The following CYP19A1 variants were observed in gnomAD, a reference collection of about 807,000 sequenced individuals.
CYP19A1 encodes aromatase.
A neutral mutation model predicts 44.4 loss-of-function variants in CYP19A1; 32 were observed. That is an observed-to-expected ratio of 0.72 (90% CI 0.54 to 0.97). The LOEUF is 0.97. CYP19A1 is among the 50% of genes least tolerant of loss of function. CYP19A1 has a pLI of 0.00. For missense variants in CYP19A1, 598 were observed against 637.8 expected, an observed-to-expected ratio of 0.94 and a Z score of 0.67; for synonymous variants, 212 against 215.6, an observed-to-expected ratio of 0.98 and a Z score of 0.14.
At chr15:51,280,612 A>T (rs1053038810) in intron 1 of CYP19A1, among the ~76,000 whole-genome samples, 15 of 152,156 alleles carry the variant, frequency 9.9e-5, no homozygotes, top group African/African-American at 3.6e-4. Context: ...CCAGGTTCTC[A>T]TCTACATGGG....
At chr15:51,231,468 A>G (rs1344336024) in intron 3 of CYP19A1, among the ~76,000 whole-genome samples, 1 of 152,098 alleles carries the variant, frequency 6.6e-6, no homozygotes, top group Non-Finnish European at 1.5e-5. Flanking sequence ...TAAAATTAAA[A>G]TACCCTTCCC....
At chr15:51,252,778 CACTA>C in intron 1 of CYP19A1, among the ~76,000 whole-genome samples, 1 of 113,776 alleles carries the variant, frequency 8.8e-6, no homozygotes, top group African/African-American at 5.4e-5. Flanking sequence ...ATATCCTAGC[CACTA>C]GCCACTGTTT....
intron 1 of CYP19A1, among the ~76,000 whole-genome samples, chr15:51,332,911 C>G (rs1299026775): frequency 6.6e-6 from 1 of 152,184 alleles, no homozygotes; most frequent in East Asian, 1.9e-4. Context: ...CCTTAGACTT[C>G]TGGAATTTCT....
chr15:51,303,278 G>C (rs991197733), intron 1 of CYP19A1, among the ~76,000 whole-genome samples: 3 of 152,164 alleles, frequency 2.0e-5, no homozygotes, highest in African/African-American at 4.8e-5. Flanking sequence ...GACAGGCTGG[G>C]CCAGGGAGGC....
chr15:51,223,763 C>T (rs1044818177), intron 4 of CYP19A1, among the ~76,000 whole-genome samples: 1 of 152,124 alleles, frequency 6.6e-6, no homozygotes, highest in South Asian at 2.1e-4. Context: ...AAGGAGCAGG[C>T]TTTCTGACCA....
chr15:51,220,768 T>A (rs2032001633), intron 5 of CYP19A1, among the ~76,000 whole-genome samples: 1 of 152,204 alleles, frequency 6.6e-6, no homozygotes, highest in South Asian at 2.1e-4. Flanking sequence ...GCTACTTGGT[T>A]GTACATAGAT....
intron 1 of CYP19A1, chr15:51,279,040 C>T (rs949291983): frequency 1.3e-5 from 2 of 152,210 alleles, no homozygotes; most frequent in Admixed American, 1.3e-4. Flanking sequence ...GGATGCGAGC[C>T]TCCACTGGAT....
chr15:51,288,851 T>TA (rs2035773384), intron 1 of CYP19A1, among the ~76,000 whole-genome samples: 1 of 152,074 alleles, frequency 6.6e-6, no homozygotes. Flanking sequence ...GCCCCACCCA[T>TA]AGCGACTAAA....
intron 1 of CYP19A1, among the ~76,000 whole-genome samples, chr15:51,324,933 C>G (rs2036584182): frequency 1.3e-5 from 2 of 152,122 alleles, no homozygotes; most frequent in Non-Finnish European, 2.9e-5. Flanking sequence ...AGATCTGTAA[C>G]CTCATTTTTG....
chr15:51,313,478 G>T (rs1018030705), intron 1 of CYP19A1, among the ~76,000 whole-genome samples: 6 of 152,118 alleles, frequency 3.9e-5, no homozygotes, highest in African/African-American at 1.4e-4. Context: ...CCTTGCTCAC[G>T]TTTGGACCTC....
chr15:51,226,144 A>G (rs187133518), intron 4 of CYP19A1, among the ~76,000 whole-genome samples: 1 of 151,344 alleles, frequency 6.6e-6, no homozygotes, highest in East Asian at 2.0e-4. Context: ...GCCGAGGTCA[A>G]AGCCAGAGAG....
chr15:51,237,407 G>A (rs563342973), intron 2 of CYP19A1, among the ~76,000 whole-genome samples: 1 of 152,250 alleles, frequency 6.6e-6, no homozygotes, highest in African/African-American at 2.4e-5. Flanking sequence ...AGATCTGTTT[G>A]GCGCCTAGTT....
At chr15:51,276,579 A>G (rs758898305) in intron 1 of CYP19A1, among the ~76,000 whole-genome samples, 3 of 152,386 alleles carry the variant, frequency 2.0e-5, no homozygotes, top group Admixed American at 1.3e-4. Context: ...CTTTAAAGCC[A>G]CAAACCATTT....
chr15:51,304,953 G>A lies in CYP19A1; in HGVS notation c.-39+33542C>T, dbSNP rs149349362. On this transcript the variant is annotated intron_variant, in intron 1 of 9. Coordinates refer to ENST00000396402, the MANE Select transcript of CYP19A1 (RefSeq NM_000103.4). The stretch of plus-strand genomic sequence containing the variant: ...TCACTCTTGTCACCCAGGCTGGAGT[G>A]CAGTGGCACGATCTTGGCTTACTGG... Among the ~76,000 whole-genome samples the A allele has an allele frequency of 5.6e-3, 762 of 135,512 alleles. 9 individuals carry two copies. Among genetic ancestry groups the A allele is most frequent in the African/African-American group, 0.021 (733 of 34,388 alleles). The allele number at this position is 135,512 out of a possible 152,430, so 88.9% of individuals were successfully genotyped here. A position where few individuals can be genotyped will look rare whatever the true frequency, so the allele number is the denominator to read the frequency against.
At position 51,209,304 on chromosome 15, in the gene CYP19A1, A is replaced by C. The variant is rs988848211; in HGVS notation, c.*1504T>G. On this transcript the variant is annotated 3_prime_UTR_variant, in exon 10 of 10. Transcript: ENST00000396402. ...CTATTCAGAACTGAGCTTGGGAGTG[A>C]ATACAGGGAGACAGGACAGGGAAAT... The C allele has an allele frequency of 2.0e-5, 3 of 152,186 alleles. No homozygotes were observed. Among genetic ancestry groups the C allele is most frequent in the Admixed American group, 6.5e-5 (1 of 15,274 alleles). 9.4% of individuals were successfully genotyped at this position (152,186 alleles called of 1,614,324 possible). A position where few individuals can be genotyped will look rare whatever the true frequency, so the allele number is the denominator to read the frequency against.
chr15:51,229,929 TC>T (rs2141085458), intron 3 of CYP19A1, among the ~76,000 whole-genome samples: 1 of 152,306 alleles, frequency 6.6e-6, no homozygotes, highest in South Asian at 2.1e-4. Context: ...AGTAAGAAAC[TC>T]CAAACATAAA....
At chr15:51,257,335 A>T (rs375690100) in intron 1 of CYP19A1, among the ~76,000 whole-genome samples, 1 of 152,312 alleles carries the variant, frequency 6.6e-6, no homozygotes, top group African/African-American at 2.4e-5. Flanking sequence ...TCATGGCCCC[A>T]ATTCGCTACA....
intron 1 of CYP19A1, among the ~76,000 whole-genome samples, chr15:51,315,056 G>A (rs1199636815): frequency 6.6e-6 from 1 of 152,004 alleles, no homozygotes; most frequent in African/African-American, 2.4e-5. Context: ...CCCGAGGCCA[G>A]AGGACTCTAA....
At position 51,227,899 on chromosome 15, in the gene CYP19A1, G is replaced by T; in HGVS notation, c.331C>A (p.His111Asn). The T allele has an allele frequency of 6.3e-7, 1 of 1,595,428 alleles. No individual in the cohort carries two copies. Among genetic ancestry groups the T allele is most frequent in the South Asian group, 1.1e-5 (1 of 90,720 alleles). The change falls in exon 4 of 10, where the codon CAT becomes AAT. Residue 111 changes from histidine (H) to asparagine (N), a missense_variant. Coordinates refer to ENST00000396402, the MANE Select transcript of CYP19A1 (RefSeq NM_000103.4). ...SSMFHIMKHN[H>N]YSSRFGSKLG... is the part of the protein sequence containing the mutation. ...TTGCTGCCGAATCGAGAGCTGTAAT[G>T]ATTGTGCTTCATTATGTGGAACATA... is the stretch of plus-strand genomic sequence containing the variant.
Sources: allele counts gnomAD v4.1 joint callset (sites outside exome capture counted in the v4.1 genomes callset), GRCh38; gene constraint gnomAD v4.1.1; transcripts MANE v1.5; gene names NCBI Gene and HGNC (gene_info 2026-07-23, HGNC 2026-07-21).